The following GAD1 variants were observed in gnomAD, a reference collection of about 807,000 sequenced individuals.
GAD1 encodes glutamate decarboxylase 1, also known as 67 kDa glutamic acid decarboxylase.
Under a neutral mutation model 75.2 loss-of-function variants are expected in GAD1, and 35 were observed. The ratio of observed to expected loss-of-function variants is 0.47; its 90% CI spans 0.36 to 0.62. GAD1 has a LOEUF of 0.62. Ranked by LOEUF, GAD1 falls within the 20% of genes least tolerant of loss-of-function variation. The pLI, the probability that GAD1 is intolerant of heterozygous loss-of-function variation, is 0.00. For synonymous variants in GAD1, 257 were observed against 271.9 expected (o/e 0.95, Z 0.54); for missense variants, 490 against 758.5 (o/e 0.65, Z 4.16).
At chr2:170,850,912 G>A (rs1702732306) in intron 12 of GAD1, among the ~76,000 whole-genome samples, 1 of 152,050 alleles carries the variant, frequency 6.6e-6, no homozygotes, top group Admixed American at 6.5e-5. Flanking sequence ...TACGCAGGAG[G>A]CTGAGGCTGG....
chr2:170,818,295 C>T lies in GAD1; in HGVS notation c.-63-234C>T. 2.7e-6 allele frequency: 1 copy of T among 367,580 alleles called. No homozygotes were observed. The highest frequency in any genetic ancestry group is 2.7e-5 in the South Asian group (1 of 36,564). 22.8% of individuals were successfully genotyped at this position (367,580 alleles called of 1,614,324 possible). A position where few individuals can be genotyped will look rare whatever the true frequency, so the allele number is the denominator to read the frequency against. The stretch of plus-strand genomic sequence containing the variant: ...GGTCGCGCCGATGCACCGCCAGACT[C>T]GAGAGCGGCCCAGGGCTACGCTCCC... On this transcript the variant is annotated intron_variant, in intron 1 of 16. Coordinates refer to ENST00000358196, the MANE Select transcript of GAD1 (RefSeq NM_000817.3). The surrounding 1 kb of genome is among the most constrained non-coding windows in gnomAD (Gnocchi z 5.9).
intron 3 of GAD1, among the ~76,000 whole-genome samples, chr2:170,828,164 T>A (rs1288772094): frequency 3.3e-4 from 38 of 114,932 alleles, no homozygotes; most frequent in African/African-American, 1.1e-3. Context: ...CTCCCTCTGC[T>A]GTCCTCGCCC....
At chr2:170,821,226 G>A (rs924589789) in intron 2 of GAD1, among the ~76,000 whole-genome samples, 16 of 152,192 alleles carry the variant, frequency 1.1e-4, no homozygotes, top group African/African-American at 3.9e-4. Context: ...GGGGCTTAGT[G>A]GGGATGGGGC....
chr2:170,831,152 G>T lies in GAD1; in HGVS notation c.507G>T (p.Leu169=). Residue 169 remains leucine (L), a synonymous_variant, in exon 5 of 17, where the codon CTG becomes CTT. Transcript: ENST00000358196. Reference sequence around the variant, plus strand: ...ACCCCGAGTCCCTGGAGCAGATCCTGGTTGACTGCAGAGACACCTTGAAGT... The same window carrying T: ...ACCCCGAGTCCCTGGAGCAGATCCTTGTTGACTGCAGAGACACCTTGAAGT... ...SDHPESLEQI[L]VDCRDTLKYG... 1 of 1,614,162 alleles carries T rather than the reference G, an allele frequency of 6.2e-7. No homozygotes were observed.
At chr2:170,829,399 T>C (rs1702161938) in intron 3 of GAD1, 76 bp from the exon 4 acceptor site, 2 of 1,502,280 alleles carry the variant, frequency 1.3e-6, no homozygotes, top group Non-Finnish European at 1.8e-6. Context: ...GCTTGGAGAG[T>C]TGATTCACTC....
In GAD1 at chr2:170,859,797, G is replaced by A. The variant is rs753558119; in HGVS notation, c.1700G>A (p.Arg567Gln). ...CAAGGGGACAAGGCCAACTTCTTCC[G>A]GATGGTCATCTCCAACCCAGCCGCT... Reference protein sequence around the residue: ...QPQGDKANFFRMVISNPAATQ... With the variant: ...QPQGDKANFFQMVISNPAATQ... Residue 567 changes from arginine to glutamine, a missense_variant, in exon 17 of 17, where the codon CGG (arginine) becomes CAG (glutamine). Coordinates refer to ENST00000358196, the MANE Select transcript of GAD1 (RefSeq NM_000817.3). 6.2e-6 allele frequency: 10 copies of A among 1,614,104 alleles called. No homozygotes were observed. The highest frequency in any genetic ancestry group is 5.5e-5 in the South Asian group (5 of 91,074).
chr2:170,855,893 A>G (rs1476080655), intron 14 of GAD1, among the ~76,000 whole-genome samples: 1 of 143,914 alleles, frequency 6.9e-6, no homozygotes, highest in Non-Finnish European at 1.6e-5. Flanking sequence ...AAAAAAAAAA[A>G]AAGCCATAAA....
rs1054883348 is a variant in GAD1 at position 170,843,957 on chromosome 2, A to G, written c.639-88A>G. ...AACAGCTTTTTTTTAGAACCCAACT[A>G]CAAATACTAAACCAATCCTCTGTGT... On this transcript the variant is annotated intron_variant, in intron 6 of 16. Coordinates refer to ENST00000358196, the MANE Select transcript of GAD1 (RefSeq NM_000817.3). 7.8e-6 allele frequency: 6 copies of G among 771,186 alleles called. No homozygotes were observed. The Admixed American group carries it at 1.2e-4, about 15-fold the overall frequency. The allele number at this position is 771,186 out of a possible 1,614,324, so 47.8% of individuals were successfully genotyped here. A position where few individuals can be genotyped will look rare whatever the true frequency, so the allele number is the denominator to read the frequency against.
chr2:170,818,634 G>C lies in GAD1; in HGVS notation c.43G>C (p.Ala15Pro), dbSNP rs1298191081. Residue 15 changes from alanine to proline, a missense_variant, in exon 2 of 17, where the codon GCG becomes CCG. By Grantham distance (27) the Ala-to-Pro change is conservative. Transcript: ENST00000358196. This position sits in a 1 kb window ranked among gnomAD's most constrained non-coding sequence, Gnocchi z 5.9. Reference sequence around the variant, plus strand: ...ATCTTCGTCCGCAACCTCCTCGAACGCGGGAGCGGACCCCAATACCACTAA... The same window carrying C: ...ATCTTCGTCCGCAACCTCCTCGAACCCGGGAGCGGACCCCAATACCACTAA... ...TPSSSATSSN[A>P]GADPNTTNLR... The C allele has an allele frequency of 1.2e-5, 19 of 1,614,120 alleles. No individual in the cohort carries two copies. Among genetic ancestry groups the C allele is most frequent in the Non-Finnish European group, 1.5e-5 (18 of 1,180,014 alleles).
chr2:170,819,297 A>C (rs1280822149), intron 2 of GAD1, among the ~76,000 whole-genome samples: 1 of 148,794 alleles, frequency 6.7e-6, no homozygotes, highest in Non-Finnish European at 1.5e-5. Context: ...CAGAGAAATA[A>C]ATAAATAAAT....
chr2:170,815,809 A>G (rs1203777891), upstream of GAD1, among the ~76,000 whole-genome samples: 1 of 152,226 alleles, frequency 6.6e-6, no homozygotes, highest in African/African-American at 2.4e-5. Flanking sequence ...GCCGGCGCGT[A>G]ACCGTCTGGC....
At chr2:170,826,713 A>G (rs962389797) in intron 3 of GAD1, among the ~76,000 whole-genome samples, 2 of 152,198 alleles carry the variant, frequency 1.3e-5, no homozygotes, top group Non-Finnish European at 2.9e-5. Context: ...GGGGAGACTC[A>G]GGGAGTGAGT....
intron 2 of GAD1, among the ~76,000 whole-genome samples, chr2:170,819,946 G>A (rs1043014518): frequency 7.4e-5 from 10 of 135,360 alleles, no homozygotes; most frequent in Admixed American, 2.3e-4. Context: ...TTCCTTTGCA[G>A]CTCCCTCTTC....
At chr2:170,848,877 C>T in intron 11 of GAD1, 2 of 487,322 alleles carry the variant, frequency 4.1e-6, no homozygotes, top group Non-Finnish European at 8.2e-6. Context: ...TTGAGTTTTT[C>T]AGGAGCTGTT....
intron 6 of GAD1, among the ~76,000 whole-genome samples, chr2:170,841,409 G>T (rs1205154179): frequency 6.6e-6 from 1 of 152,100 alleles, no homozygotes; most frequent in Non-Finnish European, 1.5e-5. Context: ...TCCCAATTAG[G>T]TGAAGAACCA....
intron 7 of GAD1, chr2:170,845,212 G>A (rs1453623967): frequency 4.2e-6 from 2 of 472,360 alleles, no homozygotes; most frequent in Non-Finnish European, 7.8e-6. Context: ...AGCCACTGAT[G>A]CAGCTACCTC....
chr2:170,840,658 A>AAGGGAGGTAGGGAAGGGAGGGCGGG (rs1553578766), intron 6 of GAD1, among the ~76,000 whole-genome samples: 1 of 77,320 alleles, frequency 1.3e-5, no homozygotes, highest in Non-Finnish European at 2.6e-5. Context: ...GGAGGTAGGG[A>AAGGGAGGTAGGGAAGGGAGGGCGGG]AGGGAGGGAG....
At chr2:170,855,482 A>G (rs1702831159) in intron 14 of GAD1, among the ~76,000 whole-genome samples, 1 of 151,218 alleles carries the variant, frequency 6.6e-6, no homozygotes, top group Non-Finnish European at 1.5e-5. Context: ...TGCTGGGATT[A>G]CAGGCGTGAG....
intron 3 of GAD1, among the ~76,000 whole-genome samples, chr2:170,827,788 T>C (rs1270311822): frequency 6.6e-6 from 1 of 152,170 alleles, no homozygotes; most frequent in Admixed American, 6.5e-5. Context: ...CAATCCTAGA[T>C]GCTTAGCAAA....
Sources: allele counts gnomAD v4.1 joint callset (sites outside exome capture counted in the v4.1 genomes callset), GRCh38; gene constraint gnomAD v4.1.1; non-coding constraint Gnocchi (gnomAD v3.1); transcripts MANE v1.5; gene names NCBI Gene and HGNC (gene_info 2026-07-23, HGNC 2026-07-21).